The following SGCD variants were observed in gnomAD, a reference collection of about 807,000 sequenced individuals.
SGCD encodes sarcoglycan delta.
Under a neutral mutation model 36.6 loss-of-function variants are expected in SGCD, and 18 were observed. That is an observed-to-expected ratio of 0.49 (90% CI 0.34 to 0.73). The LOEUF (loss-of-function observed/expected upper bound fraction) is 0.73. SGCD is among the 30% of genes least tolerant of loss of function. SGCD has a pLI of 0.01. For missense variants in SGCD, 387 were observed against 346.7 expected (o/e 1.12, Z -0.92); for synonymous variants, 133 against 130.6 (o/e 1.02, Z -0.12).
At chr5:156,079,560 T>C (rs76666190) in intron 1 of SGCD, among the ~76,000 whole-genome samples, 9,997 of 152,196 alleles carry the variant, frequency 0.066, 1,040 homozygotes, top group African/African-American at 0.22. Flanking sequence ...GTAAAGACAT[T>C]GGGTAAACAT....
rs79163119 is a variant in SGCD, at chr5:156,153,829, C to T, written c.-44+29810C>T. Among the ~76,000 whole-genome samples, 18 of 151,664 alleles carry T rather than the reference C, an allele frequency of 1.2e-4. No homozygotes were observed. In the East Asian group the frequency reaches 3.3e-3, roughly 28 times the overall value. ...CAGTGAAATGAATTCATGGTTACAT[C>T]GTATGCATCAGTATTTTCAAAGCTC... On this transcript the variant is annotated intron_variant, in intron 3 of 9. Coordinates refer to the SGCD transcript ENST00000517913.
At chr5:156,018,166 T>G (rs986241581) in intron 1 of SGCD, among the ~76,000 whole-genome samples, 1 of 152,116 alleles carries the variant, frequency 6.6e-6, no homozygotes, top group Non-Finnish European at 1.5e-5. Flanking sequence ...AGTAAATGAA[T>G]GAATCAATGA....
At chr5:156,356,653 T>G (rs1488507820) in intron 3 of SGCD, among the ~76,000 whole-genome samples, 2 of 152,122 alleles carry the variant, frequency 1.3e-5, no homozygotes, top group Admixed American at 1.3e-4. Context: ...GATGGGAGAT[T>G]GTAATGGATT....
chr5:156,237,921 T>C (rs530447771), intron 3 of SGCD, among the ~76,000 whole-genome samples: 3 of 151,394 alleles, frequency 2.0e-5, no homozygotes, highest in African/African-American at 4.8e-5. Context: ...TTCCCAAGGC[T>C]AGAAGGAAAA....
At chr5:156,047,116 C>A (rs1759785025) in intron 1 of SGCD, among the ~76,000 whole-genome samples, 1 of 152,120 alleles carries the variant, frequency 6.6e-6, no homozygotes, top group Non-Finnish European at 1.5e-5. Context: ...CCCTAACTTT[C>A]TTCAATTCTG....
intron 7 of SGCD, among the ~76,000 whole-genome samples, chr5:156,749,860 C>G (rs1451602184): frequency 6.6e-6 from 1 of 151,998 alleles, no homozygotes; most frequent in African/African-American, 2.4e-5. Context: ...TCTAATCTTT[C>G]ATAAACAATT....
intron 1 of SGCD, among the ~76,000 whole-genome samples, chr5:155,946,890 G>A (rs947551780): frequency 2.0e-5 from 3 of 152,198 alleles, no homozygotes; most frequent in African/African-American, 4.8e-5. Flanking sequence ...TATGGACTCT[G>A]AGAATATTGA....
At chr5:156,610,505 G>A (rs393447) in intron 6 of SGCD, among the ~76,000 whole-genome samples, 48,316 of 152,134 alleles carry the variant, frequency 0.32, 8,579 homozygotes, top group African/African-American at 0.49. Context: ...CCACTTGAGG[G>A]GGCAGTCTGT....
chr5:156,391,156 T>C (rs1196457366), intron 3 of SGCD, among the ~76,000 whole-genome samples: 1 of 152,228 alleles, frequency 6.6e-6, no homozygotes, highest in Non-Finnish European at 1.5e-5. Flanking sequence ...TTTTACTGTA[T>C]GTTTTCTGTT....
At chr5:155,967,883 C>T (rs1367404565) in intron 1 of SGCD, among the ~76,000 whole-genome samples, 1 of 151,830 alleles carries the variant, frequency 6.6e-6, no homozygotes, top group Admixed American at 6.6e-5. Flanking sequence ...TTTTTTTCTT[C>T]CTCATAATTG....
chr5:156,736,808 A>T (rs1434858960), intron 7 of SGCD, among the ~76,000 whole-genome samples: 1 of 152,160 alleles, frequency 6.6e-6, no homozygotes, highest in Non-Finnish European at 1.5e-5. Context: ...ATTATTATTG[A>T]ATGTAATCAC....
At chr5:156,048,285 G>A (rs548351755) in intron 1 of SGCD, among the ~76,000 whole-genome samples, 21 of 152,110 alleles carry the variant, frequency 1.4e-4, no homozygotes, top group Non-Finnish European at 2.6e-4. Context: ...ATAAACATAC[G>A]TGTGCATGTG....
intron 1 of SGCD, among the ~76,000 whole-genome samples, chr5:156,045,724 T>A (rs1759748303): frequency 6.6e-6 from 1 of 152,188 alleles, no homozygotes; most frequent in African/African-American, 2.4e-5. Context: ...TTGGTTCATA[T>A]GCATGGAAAG....
Position 155,878,351 on chromosome 5 carries a change from C to G in SGCD, c.-282+7927C>G, listed in dbSNP as rs533425428. Reference sequence around the variant, plus strand: ...ACCCTTCTTAGCATGTTGGCTTGTCCTCTTACGTGAGCTACCAAAGTTGAA... The same window carrying G: ...ACCCTTCTTAGCATGTTGGCTTGTCGTCTTACGTGAGCTACCAAAGTTGAA... On this transcript the variant is annotated intron_variant, in intron 1 of 9. Coordinates refer to the SGCD transcript ENST00000517913. Among the ~76,000 whole-genome samples the G allele has an allele frequency of 7.2e-5, 11 of 152,096 alleles. No homozygotes were observed. The South Asian group carries it at 2.1e-3, about 29-fold the overall frequency.
intron 3 of SGCD, among the ~76,000 whole-genome samples, chr5:156,208,133 A>C (rs1764339536): frequency 6.6e-6 from 1 of 152,224 alleles, no homozygotes; most frequent in South Asian, 2.1e-4. Flanking sequence ...AGGAATATTT[A>C]TAATCAGTGG....
At chr5:156,745,457 A>C (rs1391401760) in intron 7 of SGCD, among the ~76,000 whole-genome samples, 1 of 152,196 alleles carries the variant, frequency 6.6e-6, no homozygotes, top group Non-Finnish European at 1.5e-5. Context: ...AACAAATGCA[A>C]ATCCTCTCTA....
At chr5:156,423,157 T>C (rs1158393332) in intron 3 of SGCD, among the ~76,000 whole-genome samples, 1 of 82,050 alleles carries the variant, frequency 1.2e-5, no homozygotes, top group Non-Finnish European at 2.1e-5. Flanking sequence ...ATTAATTATT[T>C]AAATATTATA....
At chr5:155,746,493 A>G in the SGCD span, among the ~76,000 whole-genome samples, 2 of 152,188 alleles carry the variant, frequency 1.3e-5, no homozygotes, top group Non-Finnish European at 2.9e-5. Flanking sequence ...CTGAAAGACA[A>G]GTCAGAGCAG....
At chr5:156,022,547 A>G (rs540901369) in intron 1 of SGCD, among the ~76,000 whole-genome samples, 59 of 152,338 alleles carry the variant, frequency 3.9e-4, no homozygotes, top group African/African-American at 1.4e-3. Context: ...AACACATTTT[A>G]TAACTTCAAT....
Sources: gnomAD v4.1 joint callset for allele counts (sites outside exome capture counted in the v4.1 genomes callset) on GRCh38, gnomAD v4.1.1 for gene constraint, MANE v1.5 for transcripts, NCBI Gene and HGNC (gene_info 2026-07-23, HGNC 2026-07-21) for gene names.